The following TENM2 variants were observed in gnomAD, a reference collection of about 807,000 sequenced individuals.
TENM2 encodes teneurin-2.
A neutral mutation model predicts 245.2 loss-of-function variants in TENM2; 52 were observed. That is an observed-to-expected ratio of 0.21 (90% CI 0.17 to 0.27). The LOEUF is 0.27. Among genes scored for constraint, TENM2 ranks in the 10% least tolerant of loss-of-function variants. The probability of loss-of-function intolerance (pLI) is 1.00; values close to 1 mark genes in which losing one functional copy is unlikely to be tolerated. For missense variants in TENM2, 3,046 were observed against 3,666.8 expected (o/e 0.83, Z 4.37); for synonymous variants, 1,363 against 1,438.9 (o/e 0.95, Z 1.19).
intron 2 of TENM2, among the ~76,000 whole-genome samples, chr5:167,631,255 T>C (rs1338545434): frequency 6.6e-6 from 1 of 151,948 alleles, no homozygotes; most frequent in Non-Finnish European, 1.5e-5. Flanking sequence ...GATAATGAAA[T>C]AATAAAACGA....
intron 2 of TENM2, among the ~76,000 whole-genome samples, chr5:167,681,815 T>A (rs540880105): frequency 6.6e-6 from 1 of 152,116 alleles, no homozygotes; most frequent in African/African-American, 2.4e-5. Context: ...GGAAAAACAT[T>A]TTTATCTCTT....
chr5:168,167,460 T>A (rs965071853), intron 13 of TENM2, among the ~76,000 whole-genome samples: 1 of 152,146 alleles, frequency 6.6e-6, no homozygotes, highest in Non-Finnish European at 1.5e-5. Flanking sequence ...GAAGCTCCTG[T>A]GGAATCCTAT....
At chr5:168,027,737 T>G (rs1299628911) in intron 5 of TENM2, among the ~76,000 whole-genome samples, 1 of 152,220 alleles carries the variant, frequency 6.6e-6, no homozygotes, top group Non-Finnish European at 1.5e-5. Flanking sequence ...CTATCTTGTG[T>G]TAAAGATTCT....
At chr5:168,148,666 A>G (rs1756333743) in intron 12 of TENM2, among the ~76,000 whole-genome samples, 1 of 152,202 alleles carries the variant, frequency 6.6e-6, no homozygotes, top group South Asian at 2.1e-4. Flanking sequence ...CAGTCAGAGC[A>G]AAGAAAAAAG....
chr5:167,340,447 T>C (rs1009107958), intron 1 of TENM2, among the ~76,000 whole-genome samples: 1 of 152,200 alleles, frequency 6.6e-6, no homozygotes, highest in Admixed American at 6.5e-5. Context: ...TGAGTTCTGG[T>C]AAGATCTCTC....
At chr5:167,875,580 T>C (rs1773352173) in intron 2 of TENM2, among the ~76,000 whole-genome samples, 1 of 152,126 alleles carries the variant, frequency 6.6e-6, no homozygotes, top group Admixed American at 6.5e-5. Context: ...TTCTGGCTGC[T>C]GTGGAGGTAG....
chr5:167,532,826 G>GTATA (rs148505748), intron 2 of TENM2, among the ~76,000 whole-genome samples: 2,842 of 144,452 alleles, frequency 0.02, 41 homozygotes, highest in Middle Eastern at 0.07. Flanking sequence ...GTGTGTGTGT[G>GTATA]TATATATATA....
At chr5:167,228,334 A>C in the TENM2 span, among the ~76,000 whole-genome samples, 1 of 151,542 alleles carries the variant, frequency 6.6e-6, no homozygotes, top group Admixed American at 6.6e-5. Context: ...CTGGCCTGAG[A>C]TTCTTTCTTC....
At chr5:167,988,864 AG>A (rs1419558926) in intron 4 of TENM2, among the ~76,000 whole-genome samples, 1 of 152,246 alleles carries the variant, frequency 6.6e-6, no homozygotes, top group Non-Finnish European at 1.5e-5. Context: ...TAAATTGTCA[AG>A]GGAACATTTT....
chr5:167,424,440 G>A (rs1202120332), intron 2 of TENM2, among the ~76,000 whole-genome samples: 3 of 152,098 alleles, frequency 2.0e-5, no homozygotes, highest in African/African-American at 7.2e-5. Context: ...AGACACTCTG[G>A]AAGAAATTCT....
chr5:167,080,073 A>C, the TENM2 span, among the ~76,000 whole-genome samples: 1 of 152,216 alleles, frequency 6.6e-6, no homozygotes, highest in Non-Finnish European at 1.5e-5. Flanking sequence ...TGAAATAAGT[A>C]AATGTTGCGT....
intron 4 of TENM2, among the ~76,000 whole-genome samples, chr5:167,990,157 C>A (rs1331977076): frequency 6.6e-6 from 1 of 152,174 alleles, no homozygotes; most frequent in Non-Finnish European, 1.5e-5. Context: ...CGGAGGACTC[C>A]TAAATCAAAT....
chr5:168,203,156 C>T (rs963288502), intron 17 of TENM2, among the ~76,000 whole-genome samples: 5 of 152,228 alleles, frequency 3.3e-5, no homozygotes, highest in African/African-American at 1.2e-4. Flanking sequence ...GTGCCTGCCT[C>T]TCCTGGCACT....
chr5:167,962,101 A>G (rs1410019747), intron 4 of TENM2, among the ~76,000 whole-genome samples: 2 of 152,224 alleles, frequency 1.3e-5, no homozygotes, highest in Non-Finnish European at 2.9e-5. Flanking sequence ...AACCACGCAG[A>G]TCACTGTCCT....
chr5:167,132,289 C>T, the TENM2 span, among the ~76,000 whole-genome samples: 11 of 152,136 alleles, frequency 7.2e-5, no homozygotes, highest in Non-Finnish European at 1.5e-4. Flanking sequence ...TCCAGCATCA[C>T]ATAGACTCTC....
Position 167,717,596 on chromosome 5 carries a change from T to C in TENM2, c.503-158390T>C, listed in dbSNP as rs866896878. Among the ~76,000 whole-genome samples the C allele has an allele frequency of 3.9e-5, 6 of 152,284 alleles. No individual in the cohort carries two copies. In the Middle Eastern group the frequency reaches 0.01, roughly 259 times the overall value. On this transcript the variant is annotated intron_variant, in intron 2 of 28. Transcript: ENST00000518659. ...TTTATTAATTTCAGAATAAAAAAAT[T>C]AATTAATTTTTTTTGGCTTCTTGAG...
chr5:167,743,705 A>C (rs73801366), intron 2 of TENM2, among the ~76,000 whole-genome samples: 1 of 152,158 alleles, frequency 6.6e-6, no homozygotes, highest in African/African-American at 2.4e-5. Flanking sequence ...ACAAGACAAA[A>C]GAGTAATAAA....
intron 13 of TENM2, chr5:168,186,041 C>A (rs1760399371): frequency 6.9e-6 from 1 of 144,822 alleles, no homozygotes. Context: ...ATCACATAAC[C>A]CTATGGCATA....
intron 2 of TENM2, among the ~76,000 whole-genome samples, chr5:167,474,105 T>A (rs1486761434): frequency 6.6e-6 from 1 of 152,114 alleles, no homozygotes; most frequent in East Asian, 1.9e-4. Flanking sequence ...TACCCAATGA[T>A]GAAATTTTTT....
Sources: allele counts gnomAD v4.1 joint callset (sites outside exome capture counted in the v4.1 genomes callset), GRCh38; gene constraint gnomAD v4.1.1; transcripts MANE v1.5; gene names NCBI Gene and HGNC (gene_info 2026-07-23, HGNC 2026-07-21).